Variants in ADGRE2 observed in about 807,000 individuals in gnomAD.
ADGRE2 encodes the protein CD97 antigen.
ADGRE2 carries 83 observed loss-of-function variants against 100.8 expected under a neutral mutation model. The ratio of observed to expected loss-of-function variants is 0.82; its 90% CI spans 0.69 to 0.99. The LOEUF (loss-of-function observed/expected upper bound fraction) is 0.99. Ranked by LOEUF, ADGRE2 falls within the 50% of genes least tolerant of loss-of-function variation. The pLI is 0.00. For synonymous variants in ADGRE2, 355 were observed against 413.0 expected (o/e 0.86, Z 1.70); for missense variants, 814 against 1,035.7 (o/e 0.79, Z 2.94).
At chr19:14,750,385 G>A (rs533992222) in intron 16 of ADGRE2, among the ~76,000 whole-genome samples, 10 of 151,766 alleles carry the variant, frequency 6.6e-5, no homozygotes, top group East Asian at 3.9e-4. Context: ...TCAAAATACC[G>A]AACACATGAG....
chr19:14,762,759 T>C (rs1162776672), intron 11 of ADGRE2, among the ~76,000 whole-genome samples: 2 of 152,078 alleles, frequency 1.3e-5, no homozygotes, highest in African/African-American at 2.4e-5. Context: ...TTCTCCTGCC[T>C]CAGCCTCTTG....
downstream of ADGRE2, chr19:14,731,355 GGGCTCCTTAACTTCC>G: frequency 1.5e-6 from 1 of 661,958 alleles, no homozygotes; most frequent in South Asian, 2.0e-5. Context: ...CGTGACATCC[GGGCTCCTTAACTTCC>G]GGCTTCCGGG....
At chr19:14,774,834 T>C (rs1427640549) in intron 2 of ADGRE2, among the ~76,000 whole-genome samples, 1 of 145,040 alleles carries the variant, frequency 6.9e-6, no homozygotes, top group African/African-American at 2.5e-5. Flanking sequence ...CCATGGTGCC[T>C]GGCTAATTTT....
At chr19:14,767,737 A>T (rs2044045597) in intron 5 of ADGRE2, among the ~76,000 whole-genome samples, 1 of 152,204 alleles carries the variant, frequency 6.6e-6, no homozygotes, top group Non-Finnish European at 1.5e-5. Flanking sequence ...CTTGGGACCA[A>T]GTGCAGGGGG....
rs549792213 is a variant in ADGRE2, at chr19:14,751,190, T to C, written c.2024+246A>G. 3.9e-5 allele frequency among the ~76,000 whole-genome samples: 6 copies of C among 152,312 alleles called. No homozygotes were observed. In the South Asian group the frequency reaches 1.2e-3, roughly 32 times the overall value. On this transcript the variant is annotated intron_variant, in intron 16 of 20. Coordinates refer to ENST00000315576, the MANE Select transcript of ADGRE2 (RefSeq NM_013447.4). The stretch of plus-strand genomic sequence containing the variant: ...TAGTGTCTTTGTCCTATTCGTGCTT[T>C]CCAAAGGCTTGCCCTTTATTTCATT...
chr19:14,737,051 TGATA>T (rs2042779714), intron 20 of ADGRE2, among the ~76,000 whole-genome samples: 6 of 150,482 alleles, frequency 4.0e-5, no homozygotes, highest in Admixed American at 6.6e-5. Context: ...CTATGTGAGA[TGATA>T]GATATATTAA....
At chr19:14,725,125 G>A in the ADGRE2 span, among the ~76,000 whole-genome samples, 1 of 152,188 alleles carries the variant, frequency 6.6e-6, no homozygotes. Flanking sequence ...TGAAGCAGGA[G>A]CAGGAACATC....
the ADGRE2 span, among the ~76,000 whole-genome samples, chr19:14,726,447 C>A: frequency 1.3e-5 from 2 of 152,278 alleles, no homozygotes; most frequent in African/African-American, 2.4e-5. Context: ...TTAAATTCTT[C>A]CCCCGAAAAT....
At chr19:14,752,163 C>A (rs1298699674) in intron 15 of ADGRE2, among the ~76,000 whole-genome samples, 166 bp downstream of exon 15, 1 of 151,944 alleles carries the variant, frequency 6.6e-6, no homozygotes, top group East Asian at 1.9e-4. Context: ...AAACTCCCGA[C>A]CTGAGGTGAT....
rs1381078816 is a variant in ADGRE2 at position 14,749,563 on chromosome 19, ATGTAATTATTTATAGTT to A, written c.2024+1856_2024+1872del. On this transcript the variant is annotated intron_variant, in intron 16 of 20. Coordinates refer to ENST00000315576, the MANE Select transcript of ADGRE2 (RefSeq NM_013447.4). Reference sequence around the variant, plus strand: ...TTATATAATTATTTATAGTTATGTTATGTAATTATTTATAGTTATATAATTATTTATAGCTATGTTAT... The same window carrying A: ...TTATATAATTATTTATAGTTATGTTAATATAATTATTTATAGCTATGTTAT... 1.2e-3 allele frequency among the ~76,000 whole-genome samples: 161 copies of A among 139,924 alleles called. 21 individuals carry two copies. Among genetic ancestry groups the A allele is most frequent in the Non-Finnish European group, 1.5e-3 (98 of 66,104 alleles). 91.8% of individuals were successfully genotyped at this position (139,924 alleles called of 152,430 possible).
intron 2 of ADGRE2, among the ~76,000 whole-genome samples, chr19:14,776,146 A>G (rs12980874): frequency 0.56 from 85,301 of 151,874 alleles, 24,360 homozygotes; most frequent in African/African-American, 0.63. Context: ...GGGGCTTTAG[A>G]GATGGGGACC....
chr19:14,765,741 A>C lies in ADGRE2; in HGVS notation c.698T>G (p.Val233Gly). 1 of 1,613,318 alleles carries C rather than the reference A, an allele frequency of 6.2e-7. No homozygotes were observed. The highest frequency in any genetic ancestry group is 1.1e-5 in the South Asian group (1 of 91,076). Residue 233 changes from valine to glycine, a missense_variant, in exon 8 of 21, where the codon GTG becomes GGG. Coordinates refer to ENST00000315576, the MANE Select transcript of ADGRE2 (RefSeq NM_013447.4). ...GCGGCAGCGGCAGCTGTATGAACCC[A>C]CGGTGTTGAAGCAGACGGTGGAGCT... Reference protein sequence around the residue: ...CDSSTVCFNTVGSYSCRCRPG... With the variant: ...CDSSTVCFNTGGSYSCRCRPG...
intron 10 of ADGRE2, 133 bp from the exon 11 acceptor site, chr19:14,764,743 G>A (rs1349139275): frequency 3.1e-6 from 3 of 973,094 alleles, no homozygotes; most frequent in Admixed American, 2.9e-5. Context: ...TGGCGGCTGG[G>A]CGCGGTGGCT....
At chr19:14,775,156 C>G (rs540124368) in intron 2 of ADGRE2, among the ~76,000 whole-genome samples, 2 of 150,360 alleles carry the variant, frequency 1.3e-5, no homozygotes, top group Admixed American at 6.6e-5. Context: ...GCATGACCCA[C>G]CATGCCCAGC....
intron 20 of ADGRE2, among the ~76,000 whole-genome samples, chr19:14,741,096 T>TTG (rs1208093691): frequency 2.0e-4 from 21 of 105,702 alleles, no homozygotes; most frequent in African/African-American, 6.3e-4. Flanking sequence ...AGGCTGTTTT[T>TTG]TTTTTTTTTT....
chr19:14,775,009 TTA>T (rs917909639), intron 2 of ADGRE2, among the ~76,000 whole-genome samples: 1 of 108,766 alleles, frequency 9.2e-6, no homozygotes, highest in African/African-American at 3.1e-5. Flanking sequence ...TTTTTATTAT[TTA>T]TTTTTTTTTG....
At chr19:14,761,170 G>A (rs529069062) in intron 11 of ADGRE2, among the ~76,000 whole-genome samples, 5 of 152,314 alleles carry the variant, frequency 3.3e-5, no homozygotes, top group Admixed American at 6.5e-5. Context: ...TTGGGAGGCC[G>A]AGGCAGGCGG....
Position 14,775,860 on chromosome 19 carries a change from G to GAAAAAAAA in ADGRE2, c.31+858_31+865dup, listed in dbSNP as rs3057586. The stretch of plus-strand genomic sequence containing the variant: ...GGCGACAGAGCAAGGCTCCGCCTCA[G>GAAAAAAAA]AAAAAAAAAAAAAAAAATGATGGCG... On this transcript the variant is annotated intron_variant, in intron 2 of 20. Coordinates refer to ENST00000315576, the MANE Select transcript of ADGRE2 (RefSeq NM_013447.4). 1.0e-4 allele frequency among the ~76,000 whole-genome samples: 11 copies of GAAAAAAAA among 107,872 alleles called. 1 individual carries two copies. The highest frequency in any genetic ancestry group is 2.8e-4 in the East Asian group (1 of 3,580). 70.8% of individuals were successfully genotyped at this position (107,872 alleles called of 152,430 possible).
chr19:14,759,501 A>AT (rs1044738360), intron 11 of ADGRE2, among the ~76,000 whole-genome samples: 12 of 86,178 alleles, frequency 1.4e-4, no homozygotes, highest in African/African-American at 5.7e-4. Context: ...ATATATATAT[A>AT]TATTTTTTTT....
Sources: gnomAD v4.1 joint callset for allele counts (sites outside exome capture counted in the v4.1 genomes callset) on GRCh38, gnomAD v4.1.1 for gene constraint, MANE v1.5 for transcripts, NCBI Gene and HGNC (gene_info 2026-07-23, HGNC 2026-07-21) for gene names.